SLC9A9: variants seen among roughly 807,000 people sequenced by gnomAD.
SLC9A9 encodes solute carrier family 9 member A9.
A neutral mutation model predicts 77.8 loss-of-function variants in SLC9A9; 62 were observed. The observed-to-expected ratio is 0.80, with a 90% CI of 0.65 to 0.98. The LOEUF (loss-of-function observed/expected upper bound fraction) is 0.98, where lower values mean the gene tolerates loss of function less well. Ranked by LOEUF, SLC9A9 falls within the 50% of genes least tolerant of loss-of-function variation. The pLI is 0.00. For missense variants in SLC9A9, 775 were observed against 774.9 expected (o/e 1.00, Z 0.00); for synonymous variants, 320 against 283.5 (o/e 1.13, Z -1.29).
rs376023444 is a variant in SLC9A9 at position 143,787,075 on chromosome 3, C to T, written c.533+7926G>A. On this transcript the variant is annotated intron_variant, in intron 4 of 15. Transcript: ENST00000316549. ...GCGACATCACTCTTGGCACTTTTTC[C>T]TCTCTGCTGCTGCCTGCCAACCCGA... 2.6e-4 allele frequency among the ~76,000 whole-genome samples: 39 copies of T among 152,292 alleles called. No individual in the cohort carries two copies. The East Asian group carries it at 7.5e-3, about 29-fold the overall frequency.
At chr3:143,457,212 C>T (rs2035110084) in intron 12 of SLC9A9, among the ~76,000 whole-genome samples, 1 of 151,956 alleles carries the variant, frequency 6.6e-6, no homozygotes, top group African/African-American at 2.4e-5. Flanking sequence ...AGATGGGGGT[C>T]TCCCTATGTT....
At chr3:143,382,269 T>C (rs766640622) in intron 12 of SLC9A9, 155 bp from the exon 13 acceptor site, 17 of 783,304 alleles carry the variant, frequency 2.2e-5, no homozygotes, top group Non-Finnish European at 3.5e-5. Flanking sequence ...GAACCTCAGA[T>C]TTATACCAAA....
chr3:143,618,361 T>A (rs192335086), intron 6 of SLC9A9, among the ~76,000 whole-genome samples: 29 of 152,244 alleles, frequency 1.9e-4, no homozygotes, highest in Admixed American at 5.2e-4. Context: ...AAGAAAAGTA[T>A]TCGATGCCAA....
At chr3:143,415,674 G>A (rs925031751) in intron 12 of SLC9A9, among the ~76,000 whole-genome samples, 10 of 152,196 alleles carry the variant, frequency 6.6e-5, no homozygotes, top group African/African-American at 2.2e-4. Flanking sequence ...TGATAGGGAT[G>A]TAAAAGGAGA....
chr3:143,502,988 T>C (rs182151499), intron 9 of SLC9A9, among the ~76,000 whole-genome samples: 4 of 152,202 alleles, frequency 2.6e-5, no homozygotes, highest in Non-Finnish European at 5.9e-5. Flanking sequence ...TATTCCTGCA[T>C]TGGGGAATTT....
At chr3:143,644,420 C>T (rs1009670723) in intron 6 of SLC9A9, among the ~76,000 whole-genome samples, 3 of 152,130 alleles carry the variant, frequency 2.0e-5, no homozygotes, top group Non-Finnish European at 2.9e-5. Context: ...AGATCTCATC[C>T]GTGAGACAAA....
At chr3:143,640,631 C>T (rs141239245) in intron 6 of SLC9A9, among the ~76,000 whole-genome samples, 6 of 152,194 alleles carry the variant, frequency 3.9e-5, no homozygotes, top group Non-Finnish European at 5.9e-5. Context: ...GAGGCCAAGG[C>T]GGGACAATTG....
chr3:143,556,628 C>G (rs1047769623), intron 8 of SLC9A9, among the ~76,000 whole-genome samples: 1 of 152,202 alleles, frequency 6.6e-6, no homozygotes, highest in African/African-American at 2.4e-5. Flanking sequence ...CTAGGGTTCA[C>G]ACTTGCTTCC....
intron 4 of SLC9A9, among the ~76,000 whole-genome samples, chr3:143,714,279 G>C (rs1367806261): frequency 6.6e-6 from 1 of 152,144 alleles, no homozygotes; most frequent in Non-Finnish European, 1.5e-5. Context: ...CTGTAAGTCT[G>C]AACAAAGGCT....
intron 1 of SLC9A9, among the ~76,000 whole-genome samples, chr3:143,844,713 CTTTCTTT>C (rs2009786249): frequency 4.2e-4 from 2 of 4,812 alleles, no homozygotes; most frequent in African/African-American, 2.7e-3. Flanking sequence ...CTTTCTTTCT[CTTTCTTT>C]CTTTCTTTCT....
At chr3:143,738,942 G>C (rs1935009314) in intron 4 of SLC9A9, among the ~76,000 whole-genome samples, 3 of 152,136 alleles carry the variant, frequency 2.0e-5, no homozygotes, top group Non-Finnish European at 4.4e-5. Context: ...GTGTCCTTCA[G>C]ACTGAAGCTC....
intron 2 of SLC9A9, chr3:143,811,594 C>T (rs1171304676): frequency 2.3e-6 from 1 of 442,676 alleles, no homozygotes; most frequent in African/African-American, 2.0e-5. Context: ...ACCTATAATC[C>T]CAGTACTTTG....
intron 14 of SLC9A9, among the ~76,000 whole-genome samples, chr3:143,341,041 A>AG (rs2032082102): frequency 1.3e-5 from 2 of 152,194 alleles, no homozygotes; most frequent in East Asian, 3.9e-4. Flanking sequence ...AAATCTTTAA[A>AG]ATTTTTAAGA....
chr3:143,714,526 C>G (rs577174348), intron 4 of SLC9A9, among the ~76,000 whole-genome samples: 97 of 152,364 alleles, frequency 6.4e-4, no homozygotes, highest in African/African-American at 2.3e-3. Context: ...CTGTATCTCA[C>G]TTCCCACCAA....
intron 14 of SLC9A9, among the ~76,000 whole-genome samples, chr3:143,324,331 G>A (rs78686508): frequency 0.055 from 8,387 of 152,150 alleles, 290 homozygotes; most frequent in African/African-American, 0.1. Context: ...AGCTCCAACC[G>A]CAAGCCTAGT....
rs1399289504 is a variant in SLC9A9, at chr3:143,705,044, TAGATATAGATATAG to T, written c.534-11751_534-11738del. Among the ~76,000 whole-genome samples the T allele has an allele frequency of 9.2e-3, 1,299 of 140,742 alleles. 17 individuals are homozygous for T. The highest frequency in any genetic ancestry group is 0.015 in the Middle Eastern group (4 of 270). 92.3% of individuals were successfully genotyped at this position (140,742 alleles called of 152,430 possible). On this transcript the variant is annotated intron_variant, in intron 4 of 15. Transcript: ENST00000316549. ...CTATCTATCTATCTATCTATCTATA[TAGATATAGATATAG>T]ATATATAGATATATATATTATGATA...
chr3:143,412,601 C>T (rs1250891447), intron 12 of SLC9A9, among the ~76,000 whole-genome samples: 1 of 152,184 alleles, frequency 6.6e-6, no homozygotes, highest in East Asian at 1.9e-4. Context: ...CATCACTTTC[C>T]CTGTCTCTGA....
intron 13 of SLC9A9, among the ~76,000 whole-genome samples, chr3:143,369,956 C>T (rs2033009703): frequency 6.6e-6 from 1 of 152,212 alleles, no homozygotes. Context: ...CAGAGGCCTT[C>T]TGCCAACATG....
intron 14 of SLC9A9, among the ~76,000 whole-genome samples, chr3:143,318,753 C>T (rs540501921): frequency 6.6e-6 from 1 of 152,188 alleles, no homozygotes; most frequent in South Asian, 2.1e-4. Flanking sequence ...TATAAGACCC[C>T]CTGTCTACAC....
Sources: allele counts gnomAD v4.1 joint callset (sites outside exome capture counted in the v4.1 genomes callset), GRCh38; gene constraint gnomAD v4.1.1; transcripts MANE v1.5; gene names NCBI Gene and HGNC (gene_info 2026-07-23, HGNC 2026-07-21).